ANKS1B: variants seen among roughly 807,000 people sequenced by gnomAD.
The protein encoded by ANKS1B is ankyrin repeat and sterile alpha motif domain containing 1B, also known as ankyrin repeat and sterile alpha motif domain-containing protein 1B.
ANKS1B carries 36 observed loss-of-function variants against 148.3 expected under a neutral mutation model. The ratio of observed to expected loss-of-function variants is 0.24; its 90% CI spans 0.19 to 0.32. The LOEUF (loss-of-function observed/expected upper bound fraction) is 0.32, where lower values mean the gene tolerates loss of function less well. Ranked by LOEUF, ANKS1B falls within the 10% of genes least tolerant of loss-of-function variation. The pLI is 1.00. For synonymous variants in ANKS1B, 542 were observed against 560.8 expected (o/e 0.97, Z 0.47); for missense variants, 1,157 against 1,542.6 (o/e 0.75, Z 4.19).
intron 15 of ANKS1B, among the ~76,000 whole-genome samples, chr12:99,100,062 A>G (rs1404091023): frequency 6.6e-6 from 1 of 152,184 alleles, no homozygotes; most frequent in African/African-American, 2.4e-5. Context: ...CAGTTAAGCA[A>G]CATAGTTGGA....
intron 15 of ANKS1B, among the ~76,000 whole-genome samples, chr12:99,132,481 CAA>C (rs201298152): frequency 6.2e-4 from 80 of 129,264 alleles, no homozygotes; most frequent in Non-Finnish European, 6.9e-4. Flanking sequence ...TCCCCGCCTT[CAA>C]AAAAAAAAAA....
chr12:99,314,633 T>A (rs2083710562), intron 12 of ANKS1B, among the ~76,000 whole-genome samples: 1 of 152,166 alleles, frequency 6.6e-6, no homozygotes, highest in African/African-American at 2.4e-5. Flanking sequence ...AACCATCTGA[T>A]CTTTGACAAG....
At chr12:98,774,477 C>T (rs1214453114) in intron 24 of ANKS1B, among the ~76,000 whole-genome samples, 1 of 152,192 alleles carries the variant, frequency 6.6e-6, no homozygotes, top group Admixed American at 6.5e-5. Context: ...CTGCTAGAAA[C>T]TTCTTTTGAT....
intron 9 of ANKS1B, among the ~76,000 whole-genome samples, chr12:99,545,974 C>A (rs542966480): frequency 1.3e-5 from 2 of 152,018 alleles, no homozygotes; most frequent in South Asian, 4.1e-4. Flanking sequence ...TGGAGAAGAA[C>A]CCCAAATTAG....
intron 4 of ANKS1B, among the ~76,000 whole-genome samples, chr12:99,790,399 TA>T (rs2065497155): frequency 6.6e-6 from 1 of 151,980 alleles, no homozygotes; most frequent in Non-Finnish European, 1.5e-5. Flanking sequence ...AAAAGGAAAT[TA>T]ATAAGCAATA....
chr12:98,782,067 A>T, intron 23 of ANKS1B, 59 bp downstream of exon 23: 1 of 1,413,010 alleles, frequency 7.1e-7, no homozygotes, highest in Non-Finnish European at 9.8e-7. Context: ...CAGTCAGTTT[A>T]CTTCATTGCC....
intron 17 of ANKS1B, among the ~76,000 whole-genome samples, chr12:98,938,944 T>A (rs2099828620): frequency 6.6e-6 from 1 of 152,196 alleles, no homozygotes; most frequent in South Asian, 2.1e-4. Flanking sequence ...TCATGTTGAG[T>A]TTTAACAAGA....
intron 19 of ANKS1B, among the ~76,000 whole-genome samples, chr12:98,823,593 A>C (rs1023952029): frequency 6.6e-6 from 1 of 152,190 alleles, no homozygotes; most frequent in African/African-American, 2.4e-5. Flanking sequence ...GGGTTCAAGC[A>C]ATTCTCCTGT....
chr12:99,905,054 C>T (rs1269007382), intron 1 of ANKS1B, among the ~76,000 whole-genome samples: 1 of 152,068 alleles, frequency 6.6e-6, no homozygotes, highest in Non-Finnish European at 1.5e-5. Flanking sequence ...CTAAAATAGT[C>T]CAGAGAAGTA....
chr12:98,823,526 G>A (rs1413993495), intron 19 of ANKS1B, among the ~76,000 whole-genome samples: 1 of 152,254 alleles, frequency 6.6e-6, no homozygotes, highest in Non-Finnish European at 1.5e-5. Context: ...GTCTCCCTCT[G>A]TCACTCAGGC....
chr12:99,580,441 A>G (rs2097559484), intron 9 of ANKS1B, among the ~76,000 whole-genome samples: 1 of 152,210 alleles, frequency 6.6e-6, no homozygotes, highest in South Asian at 2.1e-4. Flanking sequence ...TAATGACAGA[A>G]CATTGCTCAA....
intron 17 of ANKS1B, among the ~76,000 whole-genome samples, chr12:98,885,187 T>A (rs893916835): frequency 2.6e-5 from 4 of 151,716 alleles, no homozygotes; most frequent in Admixed American, 6.6e-5. Context: ...TTCCTCAATA[T>A]CTAACCAAAG....
chr12:99,372,113 A>G (rs1481792011), intron 12 of ANKS1B, among the ~76,000 whole-genome samples: 1 of 152,112 alleles, frequency 6.6e-6, no homozygotes, highest in Non-Finnish European at 1.5e-5. Context: ...AGTGAACTCT[A>G]CTGTAACTAT....
At chr12:99,768,292 T>G (rs2062843386) in intron 8 of ANKS1B, among the ~76,000 whole-genome samples, 1 of 152,166 alleles carries the variant, frequency 6.6e-6, no homozygotes, top group Admixed American at 6.5e-5. Flanking sequence ...CATACAGAAA[T>G]GTTTTCCACA....
At chr12:99,645,927 A>G (rs765623917) in intron 9 of ANKS1B, among the ~76,000 whole-genome samples, 1 of 151,350 alleles carries the variant, frequency 6.6e-6, no homozygotes, top group African/African-American at 2.4e-5. Context: ...TAAGTAATGT[A>G]GTTTCTGGCT....
chr12:99,665,860 G>T (rs2098504164), intron 8 of ANKS1B, among the ~76,000 whole-genome samples: 1 of 152,066 alleles, frequency 6.6e-6, no homozygotes, highest in South Asian at 2.1e-4. Context: ...CCTTTGTACT[G>T]TTGGTGAATA....
intron 12 of ANKS1B, among the ~76,000 whole-genome samples, chr12:99,357,727 G>A (rs1566951446): frequency 6.6e-6 from 1 of 151,898 alleles, no homozygotes; most frequent in Non-Finnish European, 1.5e-5. Flanking sequence ...TAAATTAGGT[G>A]AAAAAACCCT....
intron 8 of ANKS1B, among the ~76,000 whole-genome samples, chr12:99,759,195 T>A (rs1233916127): frequency 6.6e-6 from 1 of 151,928 alleles, no homozygotes. Flanking sequence ...GTTAGGAAAC[T>A]GTAAACAAAC....
At chr12:99,454,328 A>G (rs913466633) in intron 10 of ANKS1B, among the ~76,000 whole-genome samples, 2 of 152,232 alleles carry the variant, frequency 1.3e-5, no homozygotes, top group Non-Finnish European at 2.9e-5. Flanking sequence ...TATAAAAAGA[A>G]CAGACCACAA....
Sources: gnomAD v4.1 joint callset for allele counts (sites outside exome capture counted in the v4.1 genomes callset) on GRCh38, gnomAD v4.1.1 for gene constraint, MANE v1.5 for transcripts, NCBI Gene and HGNC (gene_info 2026-07-23, HGNC 2026-07-21) for gene names.